Variants in FBXL7 observed in about 807,000 individuals in gnomAD.
FBXL7 encodes the protein F-box and leucine rich repeat protein 7.
In FBXL7, 12 loss-of-function variants were observed where a neutral mutation model predicts 38.3. The observed-to-expected ratio is 0.31, with a 90% confidence interval of 0.20 to 0.51. The LOEUF (loss-of-function observed/expected upper bound fraction) is 0.51. Among genes scored for constraint, FBXL7 ranks in the 20% least tolerant of loss-of-function variants. The pLI, the probability that FBXL7 is intolerant of heterozygous loss-of-function variation, is 0.98. For missense variants in FBXL7, 567 were observed against 676.4 expected (o/e 0.84, Z 1.79); for synonymous variants, 297 against 300.9 (o/e 0.99, Z 0.13).
chr5:15,837,827 C>T (rs952278350), intron 2 of FBXL7, among the ~76,000 whole-genome samples: 4 of 151,952 alleles, frequency 2.6e-5, no homozygotes, highest in Non-Finnish European at 5.9e-5. Flanking sequence ...GTTCTCTGGG[C>T]TCGTTGAAAC....
chr5:15,648,561 A>C (rs893117212), intron 2 of FBXL7, among the ~76,000 whole-genome samples: 2 of 152,226 alleles, frequency 1.3e-5, no homozygotes, highest in African/African-American at 4.8e-5. Flanking sequence ...TGAACAGTTC[A>C]ATATTCACAG....
chr5:15,768,497 C>T (rs1278618595), intron 2 of FBXL7, among the ~76,000 whole-genome samples: 6 of 151,534 alleles, frequency 4.0e-5, no homozygotes. Flanking sequence ...TGCCACTGCA[C>T]TCTAGCCTGG....
intron 2 of FBXL7, among the ~76,000 whole-genome samples, chr5:15,894,113 A>G (rs1216259342): frequency 1.3e-5 from 2 of 152,244 alleles, no homozygotes; most frequent in East Asian, 3.9e-4. Context: ...CATTTCTACT[A>G]AAAGTACAAA....
At chr5:15,520,600 A>G (rs1324575659) in intron 1 of FBXL7, among the ~76,000 whole-genome samples, 2 of 152,354 alleles carry the variant, frequency 1.3e-5, no homozygotes, top group South Asian at 2.1e-4. Flanking sequence ...ACTAAATCCA[A>G]CACTTCCAAA....
intron 2 of FBXL7, among the ~76,000 whole-genome samples, chr5:15,893,728 C>A (rs1183363942): frequency 2.0e-5 from 3 of 152,082 alleles, no homozygotes; most frequent in African/African-American, 7.2e-5. Context: ...CAATTGTGAT[C>A]AAAATAATTT....
chr5:15,567,500 C>G (rs1443352241), intron 1 of FBXL7, among the ~76,000 whole-genome samples: 1 of 152,044 alleles, frequency 6.6e-6, no homozygotes, highest in Non-Finnish European at 1.5e-5. Flanking sequence ...TGTCTGCTTG[C>G]ACATCAGCAT....
intron 3 of FBXL7, among the ~76,000 whole-genome samples, chr5:15,930,332 A>G (rs1168341385): frequency 1.3e-5 from 2 of 152,220 alleles, no homozygotes; most frequent in Non-Finnish European, 2.9e-5. Context: ...GAAATGGCGA[A>G]GGACTGGGTT....
chr5:15,823,648 T>C (rs1240544596), intron 2 of FBXL7, among the ~76,000 whole-genome samples: 1 of 152,168 alleles, frequency 6.6e-6, no homozygotes, highest in African/African-American at 2.4e-5. Context: ...TTGAAAGCTC[T>C]TTAGCTCAGT....
At chr5:15,855,012 A>G (rs955254425) in intron 2 of FBXL7, among the ~76,000 whole-genome samples, 8 of 152,160 alleles carry the variant, frequency 5.3e-5, no homozygotes, top group Non-Finnish European at 1.2e-4. Flanking sequence ...ATTTCCTCAT[A>G]TTAGAAACAA....
intron 1 of FBXL7, among the ~76,000 whole-genome samples, chr5:15,605,879 A>G (rs751025658): frequency 5.3e-5 from 8 of 152,230 alleles, no homozygotes; most frequent in Admixed American, 2.0e-4. Flanking sequence ...TAGACTGGAC[A>G]TAAACCCAGT....
intron 2 of FBXL7, among the ~76,000 whole-genome samples, chr5:15,622,304 T>C (rs925803652): frequency 5.3e-5 from 8 of 151,888 alleles, no homozygotes; most frequent in Admixed American, 4.6e-4. Flanking sequence ...ATTTTTATTA[T>C]ACTTTAAGTT....
At chr5:15,539,502 G>A (rs1737676561) in intron 1 of FBXL7, among the ~76,000 whole-genome samples, 1 of 152,138 alleles carries the variant, frequency 6.6e-6, no homozygotes, top group Non-Finnish European at 1.5e-5. Context: ...CATTTGGGCT[G>A]TGTTGCTTTT....
At chr5:15,701,011 C>T (rs1434992401) in intron 2 of FBXL7, among the ~76,000 whole-genome samples, 2 of 151,714 alleles carry the variant, frequency 1.3e-5, no homozygotes, top group Non-Finnish European at 2.9e-5. Flanking sequence ...TTAGCCAAAT[C>T]CTTTAATCAG....
intron 2 of FBXL7, among the ~76,000 whole-genome samples, chr5:15,857,573 T>C (rs2126802016): frequency 6.6e-6 from 1 of 152,284 alleles, no homozygotes; most frequent in South Asian, 2.1e-4. Flanking sequence ...TCCAACAAAG[T>C]CACCTAGTGA....
chr5:15,533,517 C>T (rs1052585626), intron 1 of FBXL7, among the ~76,000 whole-genome samples: 1 of 152,070 alleles, frequency 6.6e-6, no homozygotes, highest in African/African-American at 2.4e-5. Context: ...GATTCTGAGT[C>T]AGGATACTTT....
chr5:15,548,609 C>T (rs907799705), intron 1 of FBXL7, among the ~76,000 whole-genome samples: 3 of 152,112 alleles, frequency 2.0e-5, no homozygotes, highest in Admixed American at 2.0e-4. Flanking sequence ...AGAAAAACCA[C>T]AAGGCAAGTC....
At chr5:15,898,090 A>G (rs537853088) in intron 2 of FBXL7, among the ~76,000 whole-genome samples, 1 of 152,328 alleles carries the variant, frequency 6.6e-6, no homozygotes, top group South Asian at 2.1e-4. Context: ...ACTCATGACT[A>G]TGAAGATCTG....
intron 1 of FBXL7, among the ~76,000 whole-genome samples, chr5:15,574,506 T>G (rs1021804936): frequency 1.2e-4 from 18 of 152,290 alleles, no homozygotes; most frequent in African/African-American, 3.1e-4. Context: ...TGAAATTAGA[T>G]TAAGACTAAA....
chr5:15,871,872 T>C (rs1739980754), intron 2 of FBXL7, among the ~76,000 whole-genome samples: 1 of 152,166 alleles, frequency 6.6e-6, no homozygotes, highest in Non-Finnish European at 1.5e-5. Context: ...TTCAGGATAT[T>C]ATTCAGGAGA....
Sources: gnomAD v4.1 joint callset for allele counts (sites outside exome capture counted in the v4.1 genomes callset) on GRCh38, gnomAD v4.1.1 for gene constraint, MANE v1.5 for transcripts, NCBI Gene and HGNC (gene_info 2026-07-23, HGNC 2026-07-21) for gene names.